Variants in ERC2 observed in about 807,000 individuals in gnomAD.
The protein encoded by ERC2 is ERC protein 2.
A neutral mutation model predicts 114.8 loss-of-function variants in ERC2; 42 were observed. The observed-to-expected ratio is 0.37, with a 90% CI of 0.29 to 0.47. The LOEUF (loss-of-function observed/expected upper bound fraction) is 0.47, where lower values mean the gene tolerates loss of function less well. Among genes scored for constraint, ERC2 ranks in the 20% least tolerant of loss-of-function variants. ERC2 has a pLI of 0.99. For missense variants in ERC2, 939 were observed against 1,150.7 expected, an observed-to-expected ratio of 0.82 and a Z score of 2.66; for synonymous variants, 454 against 425.5, an observed-to-expected ratio of 1.07 and a Z score of -0.82.
At chr3:55,732,623 T>C (rs538366714) in intron 15 of ERC2, among the ~76,000 whole-genome samples, 1 of 152,292 alleles carries the variant, frequency 6.6e-6, no homozygotes, top group East Asian at 1.9e-4. Context: ...AAGGTAGCCT[T>C]AAAAATTCCT....
chr3:56,278,938 G>GA (rs2054178648), intron 3 of ERC2, among the ~76,000 whole-genome samples: 1 of 152,146 alleles, frequency 6.6e-6, no homozygotes, highest in Non-Finnish European at 1.5e-5. Flanking sequence ...CAGCATTGGG[G>GA]ATCACATTTC....
At chr3:56,406,947 T>C (rs2060751458) in intron 2 of ERC2, among the ~76,000 whole-genome samples, 2 of 152,150 alleles carry the variant, frequency 1.3e-5, no homozygotes, top group African/African-American at 4.8e-5. Context: ...TCAATGAGAA[T>C]CAGGCTTTTC....
At chr3:55,943,526 G>A (rs35893001) in intron 13 of ERC2, among the ~76,000 whole-genome samples, 40,085 of 151,024 alleles carry the variant, frequency 0.27, 5,561 homozygotes, top group Admixed American at 0.34. Flanking sequence ...TCAAGCTTTT[G>A]GTACCTCCTT....
chr3:56,095,083 T>C (rs2077984820), intron 6 of ERC2, among the ~76,000 whole-genome samples: 1 of 152,094 alleles, frequency 6.6e-6, no homozygotes, highest in African/African-American at 2.4e-5. Flanking sequence ...CAAGACCTCA[T>C]TTATACTAAA....
At chr3:56,194,824 G>A (rs114654978) in intron 3 of ERC2, among the ~76,000 whole-genome samples, 2,293 of 151,804 alleles carry the variant, frequency 0.015, 58 homozygotes, top group African/African-American at 0.05. Context: ...TGAAAAAAAC[G>A]TGAAATTTAC....
intron 8 of ERC2, among the ~76,000 whole-genome samples, chr3:56,017,108 A>T (rs547022116): frequency 6.6e-6 from 1 of 152,328 alleles, no homozygotes; most frequent in Non-Finnish European, 1.5e-5. Flanking sequence ...AATAATGCCA[A>T]TAACATGGGC....
At chr3:55,721,009 A>G (rs967941663) in intron 15 of ERC2, among the ~76,000 whole-genome samples, 3 of 152,248 alleles carry the variant, frequency 2.0e-5, no homozygotes, top group Non-Finnish European at 4.4e-5. Context: ...GCTCAGCATC[A>G]TACAACTAGT....
chr3:55,729,181 T>C (rs2065096039), intron 15 of ERC2, among the ~76,000 whole-genome samples: 1 of 152,130 alleles, frequency 6.6e-6, no homozygotes, highest in South Asian at 2.1e-4. Context: ...AGTCCTACAG[T>C]CTATTCCACC....
chr3:55,834,620 G>C (rs950986774), intron 14 of ERC2, among the ~76,000 whole-genome samples: 1 of 150,980 alleles, frequency 6.6e-6, no homozygotes, highest in African/African-American at 2.5e-5. Context: ...AGTGTGTAGA[G>C]GGAAATTTAT....
chr3:55,979,652 C>T (rs112308189), intron 12 of ERC2, among the ~76,000 whole-genome samples: 18 of 152,168 alleles, frequency 1.2e-4, no homozygotes, highest in African/African-American at 4.3e-4. Flanking sequence ...TACAAAAATG[C>T]TGGATGAGAA....
chr3:56,195,492 C>T (rs928487012), intron 3 of ERC2, among the ~76,000 whole-genome samples: 14 of 60,614 alleles, frequency 2.3e-4, no homozygotes, highest in Admixed American at 7.1e-4. Context: ...TTTGTGTGTG[C>T]GTGTGTGCGT....
chr3:55,634,544 T>C (rs1277942369), intron 17 of ERC2, among the ~76,000 whole-genome samples: 1 of 152,216 alleles, frequency 6.6e-6, no homozygotes, highest in Non-Finnish European at 1.5e-5. Flanking sequence ...ATCAGTCTGA[T>C]AAAAATGTCT....
At chr3:56,135,663 C>T (rs754459892) in intron 6 of ERC2, among the ~76,000 whole-genome samples, 9 of 152,200 alleles carry the variant, frequency 5.9e-5, no homozygotes, top group Non-Finnish European at 8.8e-5. Flanking sequence ...GTCTTGTCCA[C>T]GCCACACAGT....
At chr3:56,313,678 A>G (rs2056730097) in intron 2 of ERC2, among the ~76,000 whole-genome samples, 1 of 152,178 alleles carries the variant, frequency 6.6e-6, no homozygotes, top group Non-Finnish European at 1.5e-5. Flanking sequence ...ACTTGGTTTC[A>G]AGGACTCCCT....
chr3:56,422,663 G>T (rs2061429833), intron 2 of ERC2, among the ~76,000 whole-genome samples: 1 of 152,134 alleles, frequency 6.6e-6, no homozygotes, highest in Admixed American at 6.5e-5. Context: ...TTCAGCCCCA[G>T]ATTCCTTGGT....
chr3:56,295,337 AT>A (rs150018241), intron 3 of ERC2, among the ~76,000 whole-genome samples: 5,109 of 152,240 alleles, frequency 0.034, 123 homozygotes, highest in Non-Finnish European at 0.051. Flanking sequence ...AGTCATCCAC[AT>A]TTTTTCTAAG....
chr3:56,295,883 G>A (rs564832347), intron 3 of ERC2, 136 bp downstream of exon 3: 41 of 925,826 alleles, frequency 4.4e-5, no homozygotes, highest in Admixed American at 4.0e-4. Flanking sequence ...GTCTTAAGCC[G>A]GCAGGAAGGT....
chr3:55,886,441 T>C (rs1442579299), intron 14 of ERC2, among the ~76,000 whole-genome samples: 1 of 152,220 alleles, frequency 6.6e-6, no homozygotes, highest in Non-Finnish European at 1.5e-5. Context: ...CATATTGTTT[T>C]CTAGGAAATG....
At chr3:55,844,359 A>C (rs1375578759) in intron 14 of ERC2, among the ~76,000 whole-genome samples, 1 of 152,246 alleles carries the variant, frequency 6.6e-6, no homozygotes, top group Non-Finnish European at 1.5e-5. Flanking sequence ...AATGGAATAC[A>C]ACAATGAGAA....
Sources: gnomAD v4.1 joint callset for allele counts (sites outside exome capture counted in the v4.1 genomes callset) on GRCh38, gnomAD v4.1.1 for gene constraint, MANE v1.5 for transcripts, NCBI Gene and HGNC (gene_info 2026-07-23, HGNC 2026-07-21) for gene names.